Variants in DEPDC5 observed in about 807,000 individuals in gnomAD.
The protein encoded by DEPDC5 is DEP domain containing 5, GATOR1 subcomplex subunit.
In DEPDC5, 73 loss-of-function variants were observed where a neutral mutation model predicts 217.3. The ratio of observed to expected loss-of-function variants is 0.34; its 90% confidence interval spans 0.28 to 0.41. DEPDC5 has a LOEUF of 0.41. DEPDC5 is among the 10% of genes least tolerant of loss of function. The pLI is 1.00. For synonymous variants in DEPDC5, 733 were observed against 756.7 expected (o/e 0.97, Z 0.51); for missense variants, 1,675 against 2,070.1 (o/e 0.81, Z 3.70).
At chr22:31,781,221 A>C (rs1056386047) in intron 8 of DEPDC5, among the ~76,000 whole-genome samples, 5 of 140,682 alleles carry the variant, frequency 3.6e-5, no homozygotes, top group Non-Finnish European at 4.7e-5. Flanking sequence ...GGTCTCAAAA[A>C]CAAACAAACA....
At chr22:31,801,322 A>T (rs750334162) in intron 14 of DEPDC5, among the ~76,000 whole-genome samples, 1 of 152,090 alleles carries the variant, frequency 6.6e-6, no homozygotes, top group Admixed American at 6.6e-5. Flanking sequence ...ATAATAAATA[A>T]AATTGTAAAA....
At chr22:31,844,245 A>G (rs1247605045) in intron 29 of DEPDC5, among the ~76,000 whole-genome samples, 5 of 152,098 alleles carry the variant, frequency 3.3e-5, no homozygotes, top group African/African-American at 4.8e-5. Context: ...TAAATAAAAA[A>G]AAATAAAATT....
chr22:31,845,644 AC>A (rs1165327957), intron 30 of DEPDC5, among the ~76,000 whole-genome samples: 1 of 152,106 alleles, frequency 6.6e-6, no homozygotes. Flanking sequence ...TCAGTCACAC[AC>A]CACCCAGTGC....
Position 31,819,161 on chromosome 22 carries a change from T to G in DEPDC5, c.1806T>G (p.Ala602=). The change falls in exon 22 of 43, where the codon GCT becomes GCG. Residue 602 remains alanine, a synonymous_variant. Coordinates refer to ENST00000651528, the MANE Select transcript of DEPDC5 (RefSeq NM_001242896.3). The stretch of plus-strand genomic sequence containing the variant: ...AGAGAGCACTGATTAACCCCTTCGC[T>G]CCCTCTCGGATGCCCATGAAGCTTA... The part of the protein sequence containing the change: ...TPQRALINPF[A]PSRMPMKLTS... 5 of 1,614,104 alleles carry G rather than the reference T, an allele frequency of 3.1e-6. No individual in the cohort carries two copies. The highest frequency in any genetic ancestry group is 3.4e-6 in the Non-Finnish European group (4 of 1,180,018).
At chr22:31,774,639 A>C (rs1007567783) in intron 7 of DEPDC5, among the ~76,000 whole-genome samples, 2 of 150,380 alleles carry the variant, frequency 1.3e-5, no homozygotes, top group Non-Finnish European at 3.0e-5. Flanking sequence ...CTGGGAGTTC[A>C]AGACCAGCCT....
intron 28 of DEPDC5, 110 bp downstream of exon 28, chr22:31,843,322 T>C: frequency 8.4e-7 from 1 of 1,187,548 alleles, no homozygotes; most frequent in Non-Finnish European, 1.2e-6. Flanking sequence ...TGGTTGGTTT[T>C]TCTTTTGGAG....
chr22:31,775,044 G>A (rs1044183058), intron 7 of DEPDC5, among the ~76,000 whole-genome samples: 1 of 152,146 alleles, frequency 6.6e-6, no homozygotes, highest in African/African-American at 2.4e-5. Context: ...ATAAGCCATG[G>A]GCCTGGTCCA....
intron 14 of DEPDC5, 52 bp from the exon 15 acceptor site, chr22:31,802,652 G>A: frequency 3.4e-6 from 5 of 1,456,534 alleles, no homozygotes; most frequent in Non-Finnish European, 4.6e-6. Flanking sequence ...TCTGTGACAG[G>A]GTTCTGAAAA....
intron 3 of DEPDC5, among the ~76,000 whole-genome samples, chr22:31,759,193 A>G (rs535213608): frequency 3.3e-5 from 5 of 151,704 alleles, no homozygotes; most frequent in African/African-American, 7.3e-5. Flanking sequence ...TGGCCTCCCA[A>G]TGTGCTGGGA....
intron 4 of DEPDC5, 106 bp downstream of exon 4, chr22:31,760,808 TTTTTA>T: frequency 1.1e-6 from 1 of 925,676 alleles, no homozygotes; most frequent in Non-Finnish European, 1.6e-6. Context: ...ATTCTCTTCT[TTTTTA>T]AACAAATTTT....
At chr22:31,829,706 C>A (rs1569037702) in intron 24 of DEPDC5, among the ~76,000 whole-genome samples, 1 of 152,040 alleles carries the variant, frequency 6.6e-6, no homozygotes, top group Non-Finnish European at 1.5e-5. Flanking sequence ...TGTGGGTTTC[C>A]CTCCCAGCCC....
At chr22:31,787,672 T>A (rs1049329767) in intron 10 of DEPDC5, among the ~76,000 whole-genome samples, 1 of 152,048 alleles carries the variant, frequency 6.6e-6, no homozygotes, top group Non-Finnish European at 1.5e-5. Context: ...ATTAGCTGGC[T>A]GCATTGGCAA....
chr22:31,865,464 C>T (rs942355855), intron 33 of DEPDC5, among the ~76,000 whole-genome samples: 3 of 151,994 alleles, frequency 2.0e-5, no homozygotes, highest in African/African-American at 7.3e-5. Context: ...CTACTGCACT[C>T]CAGCCCGGGC....
intron 38 of DEPDC5, among the ~76,000 whole-genome samples, chr22:31,890,068 G>A (rs2093407816): frequency 6.6e-6 from 1 of 152,098 alleles, no homozygotes; most frequent in African/African-American, 2.4e-5. Context: ...AGGAAAAGAG[G>A]AGAGTTACAA....
At chr22:31,787,008 A>C (rs2085067923) in intron 10 of DEPDC5, among the ~76,000 whole-genome samples, 1 of 150,992 alleles carries the variant, frequency 6.6e-6, no homozygotes, top group Non-Finnish European at 1.5e-5. Flanking sequence ...TTGAACTCCT[A>C]ACCTCAGGTG....
intron 12 of DEPDC5, 127 bp from the exon 13 acceptor site, chr22:31,797,473 A>C (rs1569523696): frequency 1.4e-6 from 1 of 699,962 alleles, no homozygotes; most frequent in Non-Finnish European, 2.5e-6. Flanking sequence ...CCCATGATCC[A>C]GTCACCTCCC....
chr22:31,844,618 A>T, intron 29 of DEPDC5: 1 of 174,570 alleles, frequency 5.7e-6, no homozygotes, highest in Non-Finnish European at 1.2e-5. Context: ...ATAGCCACAA[A>T]TTCACTGGGC....
At chr22:31,859,316 C>A (rs942531663) in intron 32 of DEPDC5, among the ~76,000 whole-genome samples, 1 of 151,188 alleles carries the variant, frequency 6.6e-6, no homozygotes, top group Non-Finnish European at 1.5e-5. Flanking sequence ...TGGTCTTGAT[C>A]TCCTGACCTC....
In DEPDC5 at chr22:31,821,498, G is replaced by A. The variant is rs369749039; in HGVS notation, c.1871-4G>A. On this transcript the variant is annotated splice_polypyrimidine_tract_variant and splice_region_variant and intron_variant, in intron 22 of 42. Transcript: ENST00000651528. ...TGATGCTCAGTGGTTCTTTATCTGG[G>A]TAGGGCCATCCGGAGAAGCCATCCA... The A allele has an allele frequency of 6.2e-7, 1 of 1,614,030 alleles. No individual in the cohort carries two copies. Among genetic ancestry groups the A allele is most frequent in the Non-Finnish European group, 8.5e-7 (1 of 1,180,002 alleles).
Sources: allele counts gnomAD v4.1 joint callset (sites outside exome capture counted in the v4.1 genomes callset), GRCh38; gene constraint gnomAD v4.1.1; transcripts MANE v1.5; gene names NCBI Gene and HGNC (gene_info 2026-07-23, HGNC 2026-07-21).